Variants in TRDN observed in about 807,000 individuals in gnomAD.
TRDN encodes triadin.
A neutral mutation model predicts 149.7 loss-of-function variants in TRDN; 161 were observed. The observed-to-expected ratio is 1.08, with a 90% CI of 0.95 to 1.23. The LOEUF is 1.23. TRDN is among the 50% of genes most tolerant of loss of function. The pLI is 0.00. For synonymous variants in TRDN, 294 were observed against 250.5 expected (o/e 1.17, Z -1.64); for missense variants, 896 against 823.5 (o/e 1.09, Z -1.08).
intron 10 of TRDN, among the ~76,000 whole-genome samples, chr6:123,455,826 T>C (rs1057475195): frequency 1.3e-4 from 20 of 152,200 alleles, no homozygotes; most frequent in Admixed American, 7.9e-4. Context: ...CAATATCATG[T>C]TACTTACATA....
chr6:123,384,181 CAT>C (rs1185673752), intron 14 of TRDN, among the ~76,000 whole-genome samples: 1 of 152,056 alleles, frequency 6.6e-6, no homozygotes, highest in African/African-American at 2.4e-5. Context: ...AAAAATATGA[CAT>C]AATACAGTTT....
chr6:123,447,061 G>A (rs913182058), intron 10 of TRDN, among the ~76,000 whole-genome samples: 1 of 152,020 alleles, frequency 6.6e-6, no homozygotes, highest in African/African-American at 2.4e-5. Flanking sequence ...CTTCACTTGA[G>A]TTATGTGGCA....
chr6:123,627,851 T>C (rs1310503167), intron 1 of TRDN, among the ~76,000 whole-genome samples: 1 of 152,202 alleles, frequency 6.6e-6, no homozygotes, highest in East Asian at 1.9e-4. Context: ...TGGAGATGGC[T>C]TCTTTTCTTA....
At chr6:123,539,306 T>C (rs1019163812) in intron 4 of TRDN, among the ~76,000 whole-genome samples, 2 of 152,194 alleles carry the variant, frequency 1.3e-5, no homozygotes, top group African/African-American at 4.8e-5. Flanking sequence ...GCCTAGATTC[T>C]GCATTTCTAA....
intron 16 of TRDN, among the ~76,000 whole-genome samples, chr6:123,379,291 A>AC (rs1304002623): frequency 6.6e-6 from 1 of 152,222 alleles, no homozygotes; most frequent in East Asian, 1.9e-4. Context: ...TATAATGAGC[A>AC]ACTTATCCTC....
intron 29 of TRDN, 103 bp downstream of exon 29, chr6:123,272,861 G>T: frequency 1.1e-6 from 1 of 869,834 alleles, no homozygotes; most frequent in South Asian, 1.8e-5. Context: ...CTTAAGACAT[G>T]AATTGTCCCA....
chr6:123,363,979 G>C (rs561493816), intron 20 of TRDN, among the ~76,000 whole-genome samples: 3 of 152,150 alleles, frequency 2.0e-5, no homozygotes, highest in Non-Finnish European at 4.4e-5. Context: ...GGAACCAGCT[G>C]TTCAAACTGT....
chr6:123,389,372 C>A (rs755183989), intron 13 of TRDN: 1 of 152,086 alleles, frequency 6.6e-6, no homozygotes, highest in Non-Finnish European at 1.5e-5. Context: ...CTCACCTCAG[C>A]GGGATAGAAT....
intron 12 of TRDN, among the ~76,000 whole-genome samples, chr6:123,416,945 C>T (rs1382343488): frequency 6.6e-6 from 1 of 152,152 alleles, no homozygotes; most frequent in South Asian, 2.1e-4. Context: ...TTAGGTGATC[C>T]ACCTGCCTCC....
At chr6:123,574,699 G>A (rs1183864542) in intron 1 of TRDN, among the ~76,000 whole-genome samples, 1 of 151,594 alleles carries the variant, frequency 6.6e-6, no homozygotes, top group African/African-American at 2.4e-5. Flanking sequence ...GTATTGAGTT[G>A]TATATTAGAG....
At chr6:123,344,219 A>C (rs1415536167) in intron 21 of TRDN, among the ~76,000 whole-genome samples, 1 of 152,082 alleles carries the variant, frequency 6.6e-6, no homozygotes, top group South Asian at 2.1e-4. Context: ...CATCACTATC[A>C]GTATCCCTCA....
intron 19 of TRDN, among the ~76,000 whole-genome samples, chr6:123,373,041 A>C (rs767129326): frequency 5.3e-5 from 8 of 152,158 alleles, no homozygotes; most frequent in Non-Finnish European, 1.0e-4. Flanking sequence ...ATGTGGAAGC[A>C]TGGAGTGCTC....
intron 38 of TRDN, among the ~76,000 whole-genome samples, chr6:123,233,936 T>C (rs1775699843): frequency 6.6e-6 from 1 of 152,094 alleles, no homozygotes; most frequent in African/African-American, 2.4e-5. Flanking sequence ...TAGTTACCAA[T>C]TAATAATCAC....
At chr6:123,619,024 G>A (rs74996361) in intron 1 of TRDN, among the ~76,000 whole-genome samples, 50 of 152,202 alleles carry the variant, frequency 3.3e-4, no homozygotes, top group Non-Finnish European at 4.6e-4. Flanking sequence ...ATTGCCTAGC[G>A]TCATGTTGAA....
At chr6:123,284,054 A>AAAAAATAAATAATAAT (rs1054346754) in intron 24 of TRDN, among the ~76,000 whole-genome samples, 6 of 130,668 alleles carry the variant, frequency 4.6e-5, no homozygotes, top group African/African-American at 1.5e-4. Context: ...AAAGTATAAT[A>AAAAAATAAATAATAAT]AAAAATAAAT....
At chr6:123,353,996 G>A (rs1355356355) in intron 20 of TRDN, among the ~76,000 whole-genome samples, 1 of 151,758 alleles carries the variant, frequency 6.6e-6, no homozygotes, top group Non-Finnish European at 1.5e-5. Context: ...GTCAATATTA[G>A]GGTTAGGACA....
rs202219343 is a variant in TRDN at position 123,366,174 on chromosome 6, G to A, written c.1282C>T (p.Arg428Ter). ...ACCGCACCAATCTCCTCTTTGGCTC[G>A]TTCAGTTTCTGCAAGTTCAGATATT... ...SDKQVKAKTE[R>*]AKEEIGAVSI... Residue 428 changes from arginine (R) to a stop codon, truncating the protein, a stop_gained, in exon 20 of 41, where the codon CGA becomes TGA. Coordinates refer to ENST00000334268, the MANE Select transcript of TRDN (RefSeq NM_006073.4). LOFTEE classifies it high-confidence loss of function. 3.2e-4 allele frequency: 520 copies of A among 1,612,400 alleles called. 1 individual carries two copies. The highest frequency in any genetic ancestry group is 4.0e-4 in the Non-Finnish European group (467 of 1,179,090).
chr6:123,345,984 G>T (rs1002654577), intron 21 of TRDN, among the ~76,000 whole-genome samples: 2 of 151,976 alleles, frequency 1.3e-5, no homozygotes, highest in African/African-American at 4.8e-5. Flanking sequence ...AACAAATACA[G>T]TTTTATTTTT....
chr6:123,530,211 C>T (rs538750293), intron 5 of TRDN, among the ~76,000 whole-genome samples: 2 of 152,040 alleles, frequency 1.3e-5, no homozygotes, highest in South Asian at 2.1e-4. Flanking sequence ...AAAATTATTT[C>T]CTCAGTAAAT....
Sources: allele counts gnomAD v4.1 joint callset (sites outside exome capture counted in the v4.1 genomes callset), GRCh38; gene constraint gnomAD v4.1.1; transcripts MANE v1.5; gene names NCBI Gene and HGNC (gene_info 2026-07-23, HGNC 2026-07-21).